Variants in CNGB3 observed in about 807,000 individuals in gnomAD.
CNGB3 encodes the protein cyclic nucleotide-gated channel beta-3.
Under a neutral mutation model 92.8 loss-of-function variants are expected in CNGB3, and 86 were observed. That is an observed-to-expected ratio of 0.93 (90% CI 0.78 to 1.11). The LOEUF (loss-of-function observed/expected upper bound fraction) is 1.11, where lower values mean the gene tolerates loss of function less well. Among genes scored for constraint, CNGB3 ranks in the 50% least tolerant of loss-of-function variants. The pLI is 0.00. For synonymous variants in CNGB3, 333 were observed against 332.7 expected (o/e 1.00, Z -0.01); for missense variants, 1,026 against 956.8 (o/e 1.07, Z -0.95).
intron 14 of CNGB3, among the ~76,000 whole-genome samples, chr8:86,605,199 G>A (rs375795201): frequency 2.0e-5 from 3 of 152,036 alleles, no homozygotes; most frequent in African/African-American, 7.3e-5. Flanking sequence ...TAAATCTTAA[G>A]CCATAAATAT....
intron 6 of CNGB3, 114 bp downstream of exon 6, chr8:86,666,811 A>G: frequency 1.2e-6 from 1 of 842,606 alleles, no homozygotes. Context: ...GACTTCTTGC[A>G]ATTATCCATG....
At chr8:86,691,895 C>T (rs1837743) in intron 3 of CNGB3, among the ~76,000 whole-genome samples, 1 of 151,260 alleles carries the variant, frequency 6.6e-6, no homozygotes, top group Non-Finnish European at 1.5e-5. Flanking sequence ...ACTGCTTTTG[C>T]TGTATCCAAG....
intron 3 of CNGB3, among the ~76,000 whole-genome samples, chr8:86,708,523 C>T (rs1195158172): frequency 1.3e-5 from 2 of 149,890 alleles, no homozygotes; most frequent in East Asian, 3.9e-4. Context: ...CCAATAAAAG[C>T]TTTTTTTCTT....
intron 3 of CNGB3, among the ~76,000 whole-genome samples, chr8:86,688,889 T>C (rs1271178518): frequency 1.3e-5 from 2 of 152,202 alleles, no homozygotes; most frequent in East Asian, 3.9e-4. Context: ...TATAGTTGTT[T>C]ACTTGAAGTT....
chr8:86,735,490 C>A (rs937255043), intron 2 of CNGB3, among the ~76,000 whole-genome samples: 1 of 152,116 alleles, frequency 6.6e-6, no homozygotes, highest in Non-Finnish European at 1.5e-5. Context: ...TCTTACAGTT[C>A]TGAAAGTCAG....
chr8:86,667,955 G>T, intron 5 of CNGB3, 64 bp downstream of exon 5: 1 of 1,531,106 alleles, frequency 6.5e-7, no homozygotes, highest in Non-Finnish European at 9.1e-7. Context: ...CTGTGACTTT[G>T]AGTCACAGGG....
intron 14 of CNGB3, among the ~76,000 whole-genome samples, chr8:86,604,789 G>T (rs1822381721): frequency 6.6e-6 from 1 of 152,132 alleles, no homozygotes; most frequent in Non-Finnish European, 1.5e-5. Flanking sequence ...AATGATCTTT[G>T]TTCAAGCCCT....
At chr8:86,608,597 G>A (rs1822456966) in intron 14 of CNGB3, among the ~76,000 whole-genome samples, 1 of 152,234 alleles carries the variant, frequency 6.6e-6, no homozygotes, top group Admixed American at 6.5e-5. Flanking sequence ...TCAGTGGTCA[G>A]GCTCCTAGTC....
chr8:86,620,061 C>T (rs1822695129), intron 13 of CNGB3, among the ~76,000 whole-genome samples: 4 of 152,042 alleles, frequency 2.6e-5, no homozygotes, highest in Admixed American at 6.6e-5. Flanking sequence ...CCAGTTCCTT[C>T]CCACCTTATC....
rs755265699 is a variant in CNGB3 at position 86,739,743 on chromosome 8, G to A, written c.130-7C>T. On this transcript the variant is annotated splice_region_variant and splice_polypyrimidine_tract_variant and intron_variant, in intron 1 of 17. Coordinates refer to ENST00000320005, the MANE Select transcript of CNGB3 (RefSeq NM_019098.5). ...CTTCACCTTTGTTTTCTTCCTTTGA[G>A]AAAAAACATAGAGATTGTATGTGAT... The A allele has an allele frequency of 2.5e-6, 4 of 1,610,576 alleles. No homozygotes were observed. Among genetic ancestry groups the A allele is most frequent in the Non-Finnish European group, 3.4e-6 (4 of 1,178,958 alleles).
intron 3 of CNGB3, among the ~76,000 whole-genome samples, chr8:86,677,218 G>A (rs1436315792): frequency 2.0e-5 from 3 of 152,174 alleles, no homozygotes; most frequent in Admixed American, 6.6e-5. Flanking sequence ...ATAAATATCT[G>A]TTGTTTTAAG....
intron 3 of CNGB3, among the ~76,000 whole-genome samples, chr8:86,711,863 AC>A (rs549236765): frequency 1.3e-5 from 2 of 150,254 alleles, no homozygotes; most frequent in South Asian, 4.2e-4. Flanking sequence ...GACATATAAT[AC>A]ATAGTATATA....
chr8:86,703,135 A>G (rs1054050987), intron 3 of CNGB3, among the ~76,000 whole-genome samples: 4 of 152,156 alleles, frequency 2.6e-5, no homozygotes, highest in African/African-American at 4.8e-5. Context: ...TTATAATGTC[A>G]TCTTCATTTT....
At chr8:86,590,834 C>T (rs1012321010) in intron 15 of CNGB3, among the ~76,000 whole-genome samples, 11 of 150,688 alleles carry the variant, frequency 7.3e-5, no homozygotes, top group Admixed American at 3.3e-4. Flanking sequence ...TTGCTCTTCT[C>T]GAGGAGTATC....
At chr8:86,587,675 C>G (rs1352125759) in intron 15 of CNGB3, among the ~76,000 whole-genome samples, 39 of 151,150 alleles carry the variant, frequency 2.6e-4, no homozygotes, top group Middle Eastern at 6.8e-3. Flanking sequence ...TCTGAGGGCT[C>G]TGTTCTGTTC....
At position 86,576,213 on chromosome 8, in the gene CNGB3, A is replaced by C. The variant is rs1473395760; in HGVS notation, c.2104-83T>G. Reference sequence around the variant, plus strand: ...AGATTTTGATTAGCATGCAATGGCTAAGATCACCACCAAGACAGACTGTCT... The same window carrying C: ...AGATTTTGATTAGCATGCAATGGCTCAGATCACCACCAAGACAGACTGTCT... On this transcript the variant is annotated intron_variant, in intron 17 of 17. Coordinates refer to ENST00000320005, the MANE Select transcript of CNGB3 (RefSeq NM_019098.5). 2.9e-6 allele frequency: 4 copies of C among 1,366,494 alleles called. No homozygotes were observed. The Admixed American group carries it at 7.1e-5, about 24-fold the overall frequency. The allele number at this position is 1,366,494 out of a possible 1,614,324, so 84.6% of individuals were successfully genotyped here.
chr8:86,623,018 A>G (rs1311375137), intron 13 of CNGB3, among the ~76,000 whole-genome samples: 1 of 152,168 alleles, frequency 6.6e-6, no homozygotes, highest in Non-Finnish European at 1.5e-5. Context: ...ACTATGCCTA[A>G]CCATTCTACT....
chr8:86,598,161 A>C (rs1202698625), intron 15 of CNGB3, among the ~76,000 whole-genome samples: 2 of 152,300 alleles, frequency 1.3e-5, no homozygotes, highest in East Asian at 3.9e-4. Flanking sequence ...AAATGGTTTT[A>C]AGTGGGAGGG....
chr8:86,636,095 T>C (rs1190507570), intron 10 of CNGB3, among the ~76,000 whole-genome samples: 1 of 151,904 alleles, frequency 6.6e-6, no homozygotes, highest in African/African-American at 2.4e-5. Context: ...CATTTTACTA[T>C]GCTTGCTTCG....
Sources: gnomAD v4.1 joint callset for allele counts (sites outside exome capture counted in the v4.1 genomes callset) on GRCh38, gnomAD v4.1.1 for gene constraint, MANE v1.5 for transcripts, NCBI Gene and HGNC (gene_info 2026-07-23, HGNC 2026-07-21) for gene names.